BICRA: variants seen among roughly 807,000 people sequenced by gnomAD.
The protein encoded by BICRA is BRD4 interacting chromatin remodeling complex associated protein.
In BICRA, 31 loss-of-function variants were observed where a neutral mutation model predicts 96.9. The observed-to-expected ratio is 0.32, with a 90% CI of 0.24 to 0.43. The LOEUF (loss-of-function observed/expected upper bound fraction) is 0.43. Ranked by LOEUF, BICRA falls within the 20% of genes least tolerant of loss-of-function variation. The pLI, the probability that BICRA is intolerant of heterozygous loss-of-function variation, is 1.00. For missense variants in BICRA, 2,283 were observed against 2,190.3 expected, an observed-to-expected ratio of 1.04 and a Z score of -0.84; for synonymous variants, 1,350 against 1,071.8, an observed-to-expected ratio of 1.26 and a Z score of -5.07.
intron 1 of BICRA, among the ~76,000 whole-genome samples, chr19:47,625,232 TC>T (rs1333296961): frequency 1.3e-5 from 2 of 151,414 alleles, no homozygotes; most frequent in Non-Finnish European, 2.9e-5. Context: ...ACTCCTGACC[TC>T]CAGTGATTTG....
chr19:47,689,414 T>A (rs1235750497), intron 7 of BICRA, among the ~76,000 whole-genome samples: 1 of 151,624 alleles, frequency 6.6e-6, no homozygotes, highest in African/African-American at 2.4e-5. Flanking sequence ...TAATTTATTT[T>A]TATTTATTTT....
intron 1 of BICRA, among the ~76,000 whole-genome samples, chr19:47,665,597 GTAGC>G (rs1972766582): frequency 6.6e-6 from 1 of 152,182 alleles, no homozygotes; most frequent in Admixed American, 6.5e-5. Flanking sequence ...AGTCTCCTGA[GTAGC>G]TGGGATTACC....
At position 47,679,868 on chromosome 19, in the gene BICRA, C is replaced by T; in HGVS notation, c.698C>T (p.Ala233Val). 1 of 1,514,570 alleles carries T rather than the reference C, an allele frequency of 6.6e-7. No homozygotes were observed. The highest frequency in any genetic ancestry group is 8.8e-7 in the Non-Finnish European group (1 of 1,137,346). 93.8% of individuals were successfully genotyped at this position (1,514,570 alleles called of 1,614,324 possible). ...GCCACGGCGGCCACACTGGGCCTGG[C>T]GCCCATCCAGGTGGTGGGCCAGCCC... ...GGATAATLGL[A>V]PIQVVGQPVM... Residue 233 changes from alanine (A) to valine (V), a missense_variant, in exon 6 of 15, where the codon GCG (alanine) becomes GTG (valine). Physicochemically the swap from Ala to Val is moderately conservative, Grantham distance 64. Transcript: ENST00000594866.
In BICRA at chr19:47,680,830, C is replaced by G; in HGVS notation, c.1660C>G (p.Leu554Val). 6.2e-7 allele frequency: 1 copy of G among 1,600,566 alleles called. No homozygotes were observed. The highest frequency in any genetic ancestry group is 8.5e-7 in the Non-Finnish European group (1 of 1,177,086). The change falls in exon 6 of 15, where the codon CTC becomes GTC. Residue 554 changes from leucine to valine, a missense_variant. Coordinates refer to ENST00000594866, the MANE Select transcript of BICRA (RefSeq NM_001394372.1). ...AAPIQVGQPA[L>V]FQMPVSLAAG... Reference sequence around the variant, plus strand: ...TCCCATCCAGGTGGGCCAGCCTGCGCTCTTCCAGATGCCCGTGTCGCTGGC... The same window carrying G: ...TCCCATCCAGGTGGGCCAGCCTGCGGTCTTCCAGATGCCCGTGTCGCTGGC...
chr19:47,612,676 C>T (rs902785878), intron 1 of BICRA, among the ~76,000 whole-genome samples: 1 of 149,840 alleles, frequency 6.7e-6, no homozygotes, highest in Non-Finnish European at 1.5e-5. Context: ...CCCAGCTCAC[C>T]CAGTGTAGGA....
intron 1 of BICRA, among the ~76,000 whole-genome samples, chr19:47,613,620 C>T (rs1971942223): frequency 6.6e-6 from 1 of 152,154 alleles, no homozygotes; most frequent in Non-Finnish European, 1.5e-5. Context: ...CTTACTCACC[C>T]CTTCATATCC....
chr19:47,632,286 C>T (rs1021902736), intron 1 of BICRA, among the ~76,000 whole-genome samples: 35 of 152,254 alleles, frequency 2.3e-4, no homozygotes, highest in African/African-American at 7.5e-4. Flanking sequence ...ATTTTCACTG[C>T]TGGCAAACAG....
chr19:47,636,008 A>T (rs923037408), intron 1 of BICRA, among the ~76,000 whole-genome samples: 1 of 152,180 alleles, frequency 6.6e-6, no homozygotes, highest in Non-Finnish European at 1.5e-5. Flanking sequence ...TTCATGCGCA[A>T]AATTATTAAA....
At position 47,701,226 on chromosome 19, in the gene BICRA, G is replaced by C; in HGVS notation, c.3596-102G>C. ...ATTGGAGGGTCCAGGGTGCAGTCTG[G>C]TGCCTGGCAGGTAGTAGGTGCTCAC... On this transcript the variant is annotated intron_variant, in intron 14 of 14. Transcript: ENST00000594866. This position sits in a 1 kb window ranked among gnomAD's most constrained non-coding sequence, Gnocchi z 5.4. 1.3e-6 allele frequency: 1 copy of C among 779,784 alleles called. No homozygotes were observed. The highest frequency in any genetic ancestry group is 2.2e-6 in the Non-Finnish European group (1 of 464,336). 48.3% of individuals were successfully genotyped at this position (779,784 alleles called of 1,614,324 possible).
intron 1 of BICRA, among the ~76,000 whole-genome samples, chr19:47,656,782 C>T (rs762713549): frequency 5.9e-5 from 9 of 152,160 alleles, no homozygotes; most frequent in Non-Finnish European, 1.3e-4. Context: ...CTTTCCCAGT[C>T]ATTCCTGCAT....
chr19:47,624,398 C>G (rs1478194621), intron 1 of BICRA, among the ~76,000 whole-genome samples: 3 of 152,138 alleles, frequency 2.0e-5, no homozygotes, highest in Non-Finnish European at 2.9e-5. Flanking sequence ...ATAGAGCGAG[C>G]CACACACGTT....
Position 47,695,363 on chromosome 19 carries a change from A to G in BICRA, c.3077-2A>G. 1.1e-5 allele frequency: 4 copies of G among 354,868 alleles called. No homozygotes were observed. Among genetic ancestry groups the G allele is most frequent in the Non-Finnish European group, 1.4e-5 (3 of 218,686 alleles). 22.0% of individuals were successfully genotyped at this position (354,868 alleles called of 1,614,324 possible). A position where few individuals can be genotyped will look rare whatever the true frequency, so the allele number is the denominator to read the frequency against. On this transcript the variant is annotated splice_acceptor_variant, in intron 9 of 14. Transcript: ENST00000594866. LOFTEE classifies it high-confidence loss of function. ...TGTCTCCCCCACCCCACCCACCCCC[A>G]GGCCTCCCTCCTCTGCTTCCAGCCG...
At chr19:47,666,100 G>A (rs185324683) in intron 1 of BICRA, among the ~76,000 whole-genome samples, 295 of 152,290 alleles carry the variant, frequency 1.9e-3, no homozygotes, top group African/African-American at 6.7e-3. Flanking sequence ...CATGGAGGAC[G>A]TAGTGTTATC....
chr19:47,677,463 G>A (rs566754007), intron 5 of BICRA, among the ~76,000 whole-genome samples: 1 of 152,166 alleles, frequency 6.6e-6, no homozygotes, highest in East Asian at 1.9e-4. Flanking sequence ...TTGGGAGGCC[G>A]AGGTGGGCGG....
At chr19:47,625,795 C>T (rs192206851) in intron 1 of BICRA, among the ~76,000 whole-genome samples, 11 of 151,908 alleles carry the variant, frequency 7.2e-5, no homozygotes, top group Non-Finnish European at 1.6e-4. Context: ...GGAAAGCGTT[C>T]AGGAGGCCAG....
At chr19:47,610,361 G>A (rs914325313) in intron 1 of BICRA, among the ~76,000 whole-genome samples, 13 of 152,224 alleles carry the variant, frequency 8.5e-5, no homozygotes, top group African/African-American at 2.9e-4. Context: ...AAGGAGCCGC[G>A]GGAGAGCTAG....
At chr19:47,626,329 T>G (rs1378694210) in intron 1 of BICRA, 16 of 152,376 alleles carry the variant, frequency 1.1e-4, no homozygotes, top group Non-Finnish European at 1.5e-4. Context: ...CGACAGCTGC[T>G]AAGTGGCAGA....
chr19:47,655,259 C>T (rs1240080309), intron 1 of BICRA, among the ~76,000 whole-genome samples: 1 of 152,084 alleles, frequency 6.6e-6, no homozygotes, highest in African/African-American at 2.4e-5. Context: ...GGCGTGGTGG[C>T]TCTCACCTGT....
intron 1 of BICRA, among the ~76,000 whole-genome samples, chr19:47,611,754 C>A (rs1971910306): frequency 1.3e-5 from 2 of 152,120 alleles, no homozygotes; most frequent in African/African-American, 4.8e-5. Context: ...AATTATAGTT[C>A]CTTTAAGTGA....
Sources: gnomAD v4.1 joint callset for allele counts (sites outside exome capture counted in the v4.1 genomes callset) on GRCh38, gnomAD v4.1.1 for gene constraint, Gnocchi (gnomAD v3.1) non-coding constraint, MANE v1.5 for transcripts, NCBI Gene and HGNC (gene_info 2026-07-23, HGNC 2026-07-21) for gene names.